The following CARD9 variants were observed in gnomAD, a reference collection of about 807,000 sequenced individuals.
CARD9 encodes the protein caspase recruitment domain family member 9, also known as caspase recruitment domain-containing protein 9.
CARD9 carries 53 observed loss-of-function variants against 66.0 expected under a neutral mutation model. That is an observed-to-expected ratio of 0.80 (90% CI 0.64 to 1.01). The LOEUF (loss-of-function observed/expected upper bound fraction) is 1.01. Among genes scored for constraint, CARD9 ranks in the 50% least tolerant of loss-of-function variants. CARD9 has a pLI of 0.00. For synonymous variants in CARD9, 387 were observed against 313.8 expected (o/e 1.23, Z -2.47); for missense variants, 769 against 743.2 (o/e 1.03, Z -0.40).
At position 136,364,258 on chromosome 9, in the gene CARD9, C is replaced by A. The variant is rs1225196079; in HGVS notation, c.*44G>T. 1.3e-6 allele frequency: 2 copies of A among 1,550,512 alleles called. No homozygotes were observed. Among genetic ancestry groups the A allele is most frequent in the South Asian group, 1.2e-5 (1 of 84,066 alleles). On this transcript the variant is annotated 3_prime_UTR_variant, in exon 13 of 13. Transcript: ENST00000371732. ...GTCGGCACCCCCGGGTGGCAGGAGG[C>A]CGGGCCGGTGGGTGTGCCCTGGTCG...
At chr9:136,372,484 G>A (rs1273579841) in intron 1 of CARD9, among the ~76,000 whole-genome samples, 6 of 152,240 alleles carry the variant, frequency 3.9e-5, no homozygotes, top group Non-Finnish European at 7.3e-5. Flanking sequence ...ACGCCCTGGA[G>A]CCTGCAAGGT....
intron 7 of CARD9, 139 bp downstream of exon 7, chr9:136,369,611 C>G: frequency 4.0e-6 from 6 of 1,491,640 alleles, no homozygotes; most frequent in Middle Eastern, 2.3e-4. Context: ...TTGAGGCCAC[C>G]CTGGGTGACA....
chr9:136,371,524 G>C, intron 2 of CARD9, 63 bp from the exon 3 acceptor site: 3 of 1,459,804 alleles, frequency 2.1e-6, no homozygotes, highest in South Asian at 1.2e-5. Context: ...TGGGGTGGGT[G>C]GGCCTGGGGG....
rs767880614 is a variant in CARD9 at position 136,367,647 on chromosome 9, G to A, written c.1259C>T (p.Thr420Met). The A allele has an allele frequency of 1.3e-5, 20 of 1,588,840 alleles. No individual in the cohort carries two copies. The highest frequency in any genetic ancestry group is 6.7e-5 in the South Asian group (6 of 88,922). ...AGGCCCCAGGCCCACCAGGACGAGC[G>A]TCTCCAGCTGCTGCCGCCTGAGCCT... ...EGRLRRQQLE[T>M]LVLSSDLEDG... The change falls in exon 8 of 13, where the codon ACG becomes ATG. Residue 420 changes from threonine (T) to methionine (M), a missense_variant. Physicochemically the swap from Thr to Met is moderately conservative, Grantham distance 81. Coordinates refer to ENST00000371732, the MANE Select transcript of CARD9 (RefSeq NM_052813.5).
At chr9:136,370,459 G>A in intron 5 of CARD9, 22 bp from the exon 6 acceptor site, 1 of 1,607,610 alleles carries the variant, frequency 6.2e-7, no homozygotes, top group Non-Finnish European at 8.5e-7. Flanking sequence ...AAAAGGCAAT[G>A]GCCTGGCTGG....
chr9:136,365,158 C>T lies in CARD9; in HGVS notation c.1417G>A (p.Val473Ile). ...QPFAALHQEQ[V>I]LRNPHDAGLS... ...AGCCTTACATGGGGGTTCCGCAAAA[C>T]CTGCTCCTGGTGCAGAGCTGCAAAG... The change falls in exon 11 of 13, where the codon GTT (valine) becomes ATT (isoleucine). Residue 473 changes from valine (V) to isoleucine (I), a missense_variant. Val to Ile is a conservative substitution (Grantham distance 29, BLOSUM62 3). Transcript: ENST00000371732. 6.2e-7 allele frequency: 1 copy of T among 1,612,130 alleles called. No individual in the cohort carries two copies. Among genetic ancestry groups the T allele is most frequent in the Non-Finnish European group, 8.5e-7 (1 of 1,179,898 alleles).
chr9:136,372,122 C>T lies in CARD9; in HGVS notation c.-16-28G>A, dbSNP rs373722159. 117 of 1,608,850 alleles carry T rather than the reference C, an allele frequency of 7.3e-5. No individual in the cohort carries two copies. The East Asian group carries it at 1.3e-3, about 18-fold the overall frequency. On this transcript the variant is annotated intron_variant, in intron 1 of 12. Transcript: ENST00000371732. ...GGGGAGTGTGGGGCAGTGCTGAGAGCGATGCCGGCTCCTGCCCCCACCCGG... is the reference window on the plus strand; with the variant it reads ...GGGGAGTGTGGGGCAGTGCTGAGAGTGATGCCGGCTCCTGCCCCCACCCGG...
chr9:136,367,196 C>T lies in CARD9; in HGVS notation c.1311+20G>A. 1.2e-6 allele frequency: 2 copies of T among 1,610,876 alleles called. No individual in the cohort carries two copies. Among genetic ancestry groups the T allele is most frequent in the Admixed American group, 1.7e-5 (1 of 59,798 alleles). On this transcript the variant is annotated intron_variant, in intron 9 of 12. Coordinates refer to ENST00000371732, the MANE Select transcript of CARD9 (RefSeq NM_052813.5). The stretch of plus-strand genomic sequence containing the variant: ...CAGGTGAAGGAAGGCCAGCCTCGTG[C>T]TGGCTGGGGTCTCACTCACCTCCTG...
In CARD9 at chr9:136,371,463, T is replaced by A; in HGVS notation, c.185-2A>T. 1 of 1,390,652 alleles carries A rather than the reference T, an allele frequency of 7.2e-7. No individual in the cohort carries two copies. Among genetic ancestry groups the A allele is most frequent in the Non-Finnish European group, 9.6e-7 (1 of 1,045,348 alleles). The allele number at this position is 1,390,652 out of a possible 1,614,324, so 86.1% of individuals were successfully genotyped here. Reference sequence around the variant, plus strand: ...GCTGCAGGATGTCCAGGAGCACACCTGCGGGCCAGAGAGGCCTAACTGGGG... The same window carrying A: ...GCTGCAGGATGTCCAGGAGCACACCAGCGGGCCAGAGAGGCCTAACTGGGG... On this transcript the variant is annotated splice_acceptor_variant, in intron 2 of 12. Transcript: ENST00000371732. LOFTEE classifies it high-confidence loss of function.
chr9:136,366,749 T>C, intron 10 of CARD9, 51 bp downstream of exon 10: 1 of 1,600,974 alleles, frequency 6.2e-7, no homozygotes, highest in Non-Finnish European at 8.6e-7. Context: ...AAGATGGGCC[T>C]CACTTGGGGA....
chr9:136,371,066 G>A lies in CARD9; in HGVS notation c.402C>T (p.Thr134=), dbSNP rs1240448399. 23 of 1,612,526 alleles carry A rather than the reference G, an allele frequency of 1.4e-5. No homozygotes were observed. The highest frequency in any genetic ancestry group is 2.2e-5 in the East Asian group (1 of 44,876). The change falls in exon 4 of 13, where the codon ACC becomes ACT. Residue 134 remains threonine, a synonymous_variant. Transcript: ENST00000371732. ...MKLQKKVQDL[T]ALLSSKDDFI... ...AGTCATCTTTGGAGCTCAGCAGCGC[G>A]GTCAGGTCCTGCACCTTCTTCTGCA...
chr9:136,369,100 G>A (rs1307910662), intron 7 of CARD9, among the ~76,000 whole-genome samples: 3 of 152,288 alleles, frequency 2.0e-5, no homozygotes, highest in Admixed American at 6.5e-5. Context: ...GATTATAGGC[G>A]TGAGCCACCG....
intron 8 of CARD9, 107 bp downstream of exon 8, chr9:136,367,530 G>A (rs746866702): frequency 3.2e-5 from 44 of 1,366,258 alleles, no homozygotes; most frequent in Admixed American, 2.8e-4. Flanking sequence ...GTTGGGGCCC[G>A]TCACAGAGAA....
Position 136,364,342 on chromosome 9 carries a change from T to G in CARD9, c.1571A>C (p.Asn524Thr), listed in dbSNP as rs141310444. Residue 524 changes from asparagine to threonine, a missense_variant, in exon 13 of 13, where the codon AAC becomes ACC. Transcript: ENST00000371732. ...GWRQGEEDRE[N>T]TTGSDNTDTE... ...GTCGGTGTTGTCGCTGCCCGTGGTG[T>G]TCTCCCGGTCCTCCTCCCCCTGCCG... 954 of 1,568,318 alleles carry G rather than the reference T, an allele frequency of 6.1e-4. 1 individual carries two copies. Among genetic ancestry groups the G allele is most frequent in the Non-Finnish European group, 7.6e-4 (885 of 1,157,878 alleles).
chr9:136,367,328 C>T, intron 8 of CARD9, 71 bp from the exon 9 acceptor site: 1 of 1,538,220 alleles, frequency 6.5e-7, no homozygotes, highest in South Asian at 1.1e-5. Context: ...GTGGGCAGGG[C>T]ACAGAGCGGG....
At chr9:136,370,126 C>T in intron 6 of CARD9, 168 bp downstream of exon 6, 1 of 1,426,244 alleles carries the variant, frequency 7.0e-7, no homozygotes, top group Admixed American at 2.3e-5. Context: ...CCATGGGGGG[C>T]AGGCGGGCAA....
chr9:136,373,420 C>G (rs1032952775), intron 1 of CARD9, 112 bp downstream of exon 1: 2 of 867,800 alleles, frequency 2.3e-6, no homozygotes, highest in African/African-American at 3.6e-5. Flanking sequence ...CGGAGGCTGC[C>G]TGGCTGCCTG....
chr9:136,373,060 G>C (rs546157066), intron 1 of CARD9, among the ~76,000 whole-genome samples: 3 of 152,242 alleles, frequency 2.0e-5, no homozygotes, highest in African/African-American at 7.2e-5. Flanking sequence ...CTGGGACTGC[G>C]GCAAGGCTGG....
chr9:136,371,218 C>G, intron 3 of CARD9, 73 bp from the exon 4 acceptor site: 1 of 1,591,020 alleles, frequency 6.3e-7, no homozygotes, highest in African/African-American at 1.3e-5. Context: ...TGCGCTGTGG[C>G]AGGAGCTCAG....
Sources: gnomAD v4.1 joint callset for allele counts (sites outside exome capture counted in the v4.1 genomes callset) on GRCh38, gnomAD v4.1.1 for gene constraint, MANE v1.5 for transcripts, NCBI Gene and HGNC (gene_info 2026-07-23, HGNC 2026-07-21) for gene names.